Variants in EPB41 observed in about 807,000 individuals in gnomAD.
EPB41 encodes the protein erythrocyte membrane protein band 4.1.
EPB41 carries 65 observed loss-of-function variants against 108.0 expected under a neutral mutation model. That is an observed-to-expected ratio of 0.60 (90% CI 0.49 to 0.74). EPB41 has a LOEUF of 0.74. Ranked by LOEUF, EPB41 falls within the 30% of genes least tolerant of loss-of-function variation. The probability of loss-of-function intolerance (pLI) is 0.00; values close to 1 mark genes in which losing one functional copy is unlikely to be tolerated. For missense variants in EPB41, 875 were observed against 1,037.0 expected (o/e 0.84, Z 2.15); for synonymous variants, 336 against 358.9 (o/e 0.94, Z 0.72).
At chr1:28,893,962 C>T (rs2147843154) in intron 1 of EPB41, 1 of 152,286 alleles carries the variant, frequency 6.6e-6, no homozygotes, top group Non-Finnish European at 1.5e-5. Context: ...TGAGAGAGGG[C>T]ACTCTGTGAT....
intron 1 of EPB41, among the ~76,000 whole-genome samples, chr1:28,947,303 A>T (rs1368390439): frequency 6.6e-6 from 1 of 151,330 alleles, no homozygotes; most frequent in Admixed American, 6.6e-5. Flanking sequence ...AGCTACTCGG[A>T]AGGCTGAGGC....
At chr1:28,957,983 T>C (rs1316647182) in intron 1 of EPB41, among the ~76,000 whole-genome samples, 1 of 152,064 alleles carries the variant, frequency 6.6e-6, no homozygotes, top group Non-Finnish European at 1.5e-5. Flanking sequence ...ATTTAATTTA[T>C]TATTATTTTT....
intron 16 of EPB41, chr1:29,096,526 G>A (rs1663270836): frequency 1.0e-6 from 1 of 985,822 alleles, no homozygotes; most frequent in Non-Finnish European, 1.2e-6. Context: ...CACCAGGAGA[G>A]CCACCTGGAA....
At chr1:29,113,240 G>T (rs541755814) in intron 19 of EPB41, among the ~76,000 whole-genome samples, 112 of 152,364 alleles carry the variant, frequency 7.4e-4, no homozygotes, top group Non-Finnish European at 1.3e-3. Flanking sequence ...CAGTAAAGCT[G>T]CAGAGAAGAG....
chr1:29,062,566 A>G (rs1646734802), intron 15 of EPB41, among the ~76,000 whole-genome samples: 1 of 152,166 alleles, frequency 6.6e-6, no homozygotes, highest in South Asian at 2.1e-4. Context: ...TCTAACCTGA[A>G]CACAGCCAAA....
rs1391228528 is a variant in EPB41, at chr1:29,119,583, C to G, written c.*2771C>G. 1 of 151,610 alleles carries G rather than the reference C, an allele frequency of 6.6e-6. No homozygotes were observed. The highest frequency in any genetic ancestry group is 1.5e-5 in the Non-Finnish European group (1 of 67,926). 9.4% of individuals were successfully genotyped at this position (151,610 alleles called of 1,614,324 possible). On this transcript the variant is annotated 3_prime_UTR_variant, in exon 21 of 21. Coordinates refer to ENST00000343067, the MANE Select transcript of EPB41 (RefSeq NM_001376013.1). ...GACCCGTCAGGGCCCCGTGACCCAT[C>G]CCCGTCCCCACCCCCCCCTCCACCG...
intron 11 of EPB41, among the ~76,000 whole-genome samples, chr1:29,043,390 A>T (rs974324131): frequency 4.6e-5 from 7 of 152,216 alleles, no homozygotes; most frequent in Non-Finnish European, 4.4e-5. Context: ...TGAGCTTGCC[A>T]TGTGTCTAGA....
At chr1:28,993,181 A>G (rs1424804708) in intron 2 of EPB41, 149 bp from the exon 3 acceptor site, 2 of 651,930 alleles carry the variant, frequency 3.1e-6, no homozygotes, top group Non-Finnish European at 5.2e-6. Context: ...GGATCATACT[A>G]TTTTTTATAG....
At chr1:29,107,056 G>A (rs373627766) in intron 17 of EPB41, among the ~76,000 whole-genome samples, 1 of 151,874 alleles carries the variant, frequency 6.6e-6, no homozygotes, top group Non-Finnish European at 1.5e-5. Flanking sequence ...GGTGGCATGC[G>A]CCTGTAATCC....
At chr1:29,111,993 A>G (rs1209157979) in intron 18 of EPB41, among the ~76,000 whole-genome samples, 1 of 151,878 alleles carries the variant, frequency 6.6e-6, no homozygotes, top group Non-Finnish European at 1.5e-5. Flanking sequence ...AAAAAAAAAC[A>G]AAGATTTTAA....
chr1:28,993,657 CTTTTT>C (rs932117775), intron 3 of EPB41, 115 bp downstream of exon 3: 267 of 553,796 alleles, frequency 4.8e-4, no homozygotes, highest in Middle Eastern at 1.7e-3. Flanking sequence ...TTTCTTTTTT[CTTTTT>C]TTTTTTTTTT....
At chr1:29,036,105 A>G (rs1639319393) in intron 10 of EPB41, among the ~76,000 whole-genome samples, 182 bp downstream of exon 10, 1 of 152,204 alleles carries the variant, frequency 6.6e-6, no homozygotes, top group Non-Finnish European at 1.5e-5. Context: ...GTATGCCTCA[A>G]CATTTCCAAA....
At chr1:29,109,557 C>T in intron 18 of EPB41, 120 bp downstream of exon 18, 1 of 809,046 alleles carries the variant, frequency 1.2e-6, no homozygotes, top group East Asian at 2.6e-5. Context: ...CCTAGTAAGC[C>T]ACATTATTCA....
chr1:28,958,819 C>CAAAAAAAA (rs35105287), intron 1 of EPB41, among the ~76,000 whole-genome samples: 1 of 65,758 alleles, frequency 1.5e-5, no homozygotes, highest in African/African-American at 5.8e-5. Context: ...ACCCTGTCTC[C>CAAAAAAAA]AAAAAAAAAA....
intron 16 of EPB41, among the ~76,000 whole-genome samples, chr1:29,084,379 T>C (rs559158697): frequency 1.3e-5 from 2 of 152,306 alleles, no homozygotes; most frequent in African/African-American, 2.4e-5. Context: ...GATTACAGCA[T>C]TGGTTATATC....
At chr1:28,890,928 G>T in intron 1 of EPB41, 1 of 985,452 alleles carries the variant, frequency 1.0e-6, no homozygotes, top group Non-Finnish European at 1.2e-6. Context: ...ACCCCTGCTG[G>T]AGCAAAGCTC....
In EPB41 at chr1:29,039,434, T is replaced by C; in HGVS notation, c.1636+8T>C. 6.2e-7 allele frequency: 1 copy of C among 1,613,674 alleles called. No individual in the cohort carries two copies. The highest frequency in any genetic ancestry group is 2.2e-5 in the East Asian group (1 of 44,880). ...CCCGGAGCCTCGATGGAGGTTTGTA[T>C]TGAATATTAATGATTTCTTGTGATC... is the stretch of plus-strand genomic sequence containing the variant. On this transcript the variant is annotated splice_region_variant and intron_variant, in intron 11 of 20. Coordinates refer to ENST00000343067, the MANE Select transcript of EPB41 (RefSeq NM_001376013.1).
intron 1 of EPB41, among the ~76,000 whole-genome samples, chr1:28,932,411 C>T (rs900257034): frequency 3.4e-5 from 5 of 148,898 alleles, no homozygotes; most frequent in African/African-American, 1.2e-4. Flanking sequence ...GCATGAGCAT[C>T]ATGCCTGGCC....
In EPB41 at chr1:28,935,468, C is replaced by CACACACACACACACA. The variant is rs1491193201; in HGVS notation, c.-8+20700_-8+20701insACACACACACACACA. On this transcript the variant is annotated intron_variant, in intron 1 of 20. Coordinates refer to ENST00000343067, the MANE Select transcript of EPB41 (RefSeq NM_001376013.1). ...ACACACACACACACACACACACACACCCCCCCCCCCCCAAGATCTACGCAC... is the reference window on the plus strand; with the variant it reads ...ACACACACACACACACACACACACACACACACACACACACACCCCCCCCCCCCAAGATCTACGCAC... 3.5e-3 allele frequency among the ~76,000 whole-genome samples: 147 copies of CACACACACACACACA among 42,220 alleles called. 10 individuals carry two copies. The highest frequency in any genetic ancestry group is 9.5e-3 in the South Asian group (7 of 738). 27.7% of individuals were successfully genotyped at this position (42,220 alleles called of 152,430 possible).
Sources: allele counts gnomAD v4.1 joint callset (sites outside exome capture counted in the v4.1 genomes callset), GRCh38; gene constraint gnomAD v4.1.1; transcripts MANE v1.5; gene names NCBI Gene and HGNC (gene_info 2026-07-23, HGNC 2026-07-21).